The following NUAK1 variants were observed in gnomAD, a reference collection of about 807,000 sequenced individuals.
The protein encoded by NUAK1 is NUAK family kinase 1.
Under a neutral mutation model 56.9 loss-of-function variants are expected in NUAK1, and 26 were observed. The ratio of observed to expected loss-of-function variants is 0.46; its 90% CI spans 0.33 to 0.63. The LOEUF (loss-of-function observed/expected upper bound fraction) is 0.63, where lower values mean the gene tolerates loss of function less well. Ranked by LOEUF, NUAK1 falls within the 30% of genes least tolerant of loss-of-function variation. The probability of loss-of-function intolerance (pLI) is 0.02; values close to 1 mark genes in which losing one functional copy is unlikely to be tolerated. For synonymous variants in NUAK1, 337 were observed against 336.0 expected, an observed-to-expected ratio of 1.00 and a Z score of -0.03; for missense variants, 727 against 876.1, an observed-to-expected ratio of 0.83 and a Z score of 2.15.
At chr12:106,104,567 G>A (rs1021765852) in intron 2 of NUAK1, among the ~76,000 whole-genome samples, 2 of 152,178 alleles carry the variant, frequency 1.3e-5, no homozygotes, top group African/African-American at 4.8e-5. Context: ...AGCAGGTCCT[G>A]GGTGAAGCCT....
Position 106,067,273 on chromosome 12 carries a change from G to C in NUAK1, c.1515C>G (p.Ser505Arg). The change falls in exon 7 of 7, where the codon AGC (serine) becomes AGG (arginine). Residue 505 changes from serine (S) to arginine (R), a missense_variant. Physicochemically the swap from Ser to Arg is moderately radical, Grantham distance 110. Transcript: ENST00000261402. The surrounding 1 kb of genome is among the most constrained non-coding windows in gnomAD (Gnocchi z 6.0). ...DVMGSSIPSPSPPDPARVTSH... is the reference protein window; with the variant it reads ...DVMGSSIPSPRPPDPARVTSH... Reference sequence around the variant, plus strand: ...AGGTTACCCTGGCTGGGTCCGGGGGGCTGGGGGAGGGGATGCTGCTGCCCA... The same window carrying C: ...AGGTTACCCTGGCTGGGTCCGGGGGCCTGGGGGAGGGGATGCTGCTGCCCA... 2 of 1,614,144 alleles carry C rather than the reference G, an allele frequency of 1.2e-6. No homozygotes were observed. Among genetic ancestry groups the C allele is most frequent in the Non-Finnish European group, 1.7e-6 (2 of 1,180,010 alleles).
intron 2 of NUAK1, among the ~76,000 whole-genome samples, chr12:106,105,489 A>G (rs1018255567): frequency 2.6e-5 from 4 of 152,182 alleles, no homozygotes; most frequent in Non-Finnish European, 4.4e-5. Flanking sequence ...AATGCTATAA[A>G]ACCTTTTCAA....
chr12:106,077,491 T>C (rs966496237), intron 4 of NUAK1, among the ~76,000 whole-genome samples: 20 of 152,194 alleles, frequency 1.3e-4, no homozygotes, highest in African/African-American at 2.9e-4. Context: ...CCACTGCCCA[T>C]TAAAGAGCCA....
At chr12:106,087,795 C>T (rs1019954231) in intron 2 of NUAK1, among the ~76,000 whole-genome samples, 1 of 152,214 alleles carries the variant, frequency 6.6e-6, no homozygotes, top group African/African-American at 2.4e-5. Flanking sequence ...TGCAATCAGG[C>T]AGTTTGGCGT....
chr12:106,121,901 A>G (rs2032980250), intron 1 of NUAK1, among the ~76,000 whole-genome samples: 1 of 152,192 alleles, frequency 6.6e-6, no homozygotes, highest in African/African-American at 2.4e-5. Context: ...AAACAGCAAA[A>G]CTATGTAAAA....
rs772696239 is a variant in NUAK1, at chr12:106,114,035, C to T, written c.241-7510G>A. On this transcript the variant is annotated intron_variant, in intron 1 of 6. Transcript: ENST00000261402. ...GCAGCTGTTTATTTTTGGACGTTCA[C>T]GTCTCTGAAGCCAAATGCAACACCA... Among the ~76,000 whole-genome samples, 14 of 152,302 alleles carry T rather than the reference C, an allele frequency of 9.2e-5. No homozygotes were observed. The South Asian group carries it at 1.7e-3, about 18-fold the overall frequency.
rs575718753 is a variant in NUAK1, at chr12:106,074,006, T to C, written c.580-1163A>G. Among the ~76,000 whole-genome samples the C allele has an allele frequency of 1.3e-4, 20 of 152,306 alleles. No individual in the cohort carries two copies. The South Asian group carries it at 3.9e-3, about 30-fold the overall frequency. On this transcript the variant is annotated intron_variant, in intron 4 of 6. Transcript: ENST00000261402. ...CAGCACTTTTACATATATATGTATA[T>C]GTATATGTACACATATGTACAAATA...
At chr12:106,070,355 T>C (rs2032392829) in intron 6 of NUAK1, among the ~76,000 whole-genome samples, 1 of 152,238 alleles carries the variant, frequency 6.6e-6, no homozygotes, top group South Asian at 2.1e-4. Flanking sequence ...CCATGAGCCA[T>C]GCCCCATGCC....
rs576621296 is a variant in NUAK1, at chr12:106,084,474, A to G, written c.514-545T>C. 2.0e-5 allele frequency among the ~76,000 whole-genome samples: 3 copies of G among 152,298 alleles called. No homozygotes were observed. The East Asian group carries it at 5.8e-4, about 29-fold the overall frequency. On this transcript the variant is annotated intron_variant, in intron 3 of 6. Transcript: ENST00000261402. ...ATTTCCTAAGCAACCTGGAGAGAAGACTCAGAAAGTCCCTCTCTGCTCAGC... is the reference window on the plus strand; with the variant it reads ...ATTTCCTAAGCAACCTGGAGAGAAGGCTCAGAAAGTCCCTCTCTGCTCAGC...
intron 1 of NUAK1, among the ~76,000 whole-genome samples, chr12:106,123,989 T>C (rs891643925): frequency 2.0e-5 from 3 of 152,226 alleles, no homozygotes; most frequent in East Asian, 1.9e-4. Flanking sequence ...GAACTCATTG[T>C]GGGGCTGAAT....
chr12:106,067,964 C>A lies in NUAK1; in HGVS notation c.833-9G>T, dbSNP rs2032363095. ...TATGAGTCCTCGAGCATCTAAGGGACAAGGGACAAAAAGAATCGGGCATTA... is the reference window on the plus strand; with the variant it reads ...TATGAGTCCTCGAGCATCTAAGGGAAAAGGGACAAAAAGAATCGGGCATTA... On this transcript the variant is annotated splice_polypyrimidine_tract_variant and intron_variant, in intron 6 of 6. Coordinates refer to ENST00000261402, the MANE Select transcript of NUAK1 (RefSeq NM_014840.3). This position sits in a 1 kb window ranked among gnomAD's most constrained non-coding sequence, Gnocchi z 6.0. 1.9e-6 allele frequency: 3 copies of A among 1,589,342 alleles called. No homozygotes were observed. The South Asian group carries it at 3.4e-5, about 18-fold the overall frequency.
intron 1 of NUAK1, among the ~76,000 whole-genome samples, chr12:106,130,262 G>A (rs571857247): frequency 1.4e-4 from 22 of 152,282 alleles, no homozygotes; most frequent in Admixed American, 2.0e-4. Context: ...GACTGCAGGC[G>A]TGAACCACCG....
intron 3 of NUAK1, among the ~76,000 whole-genome samples, chr12:106,085,114 C>T (rs765215576): frequency 6.6e-6 from 1 of 152,224 alleles, no homozygotes; most frequent in Non-Finnish European, 1.5e-5. Context: ...GACTACAAGA[C>T]ACCTGATTCC....
Position 106,064,358 on chromosome 12 carries a change from A to AGGAAGG in NUAK1, c.*2443_*2444insCCTTCC, listed in dbSNP as rs1565916682. 3 of 152,354 alleles carry AGGAAGG rather than the reference A, an allele frequency of 2.0e-5. No individual in the cohort carries two copies. In the East Asian group the frequency reaches 5.8e-4, roughly 29 times the overall value. 9.4% of individuals were successfully genotyped at this position (152,354 alleles called of 1,614,324 possible). A position where few individuals can be genotyped will look rare whatever the true frequency, so the allele number is the denominator to read the frequency against. On this transcript the variant is annotated 3_prime_UTR_variant, in exon 7 of 7. Coordinates refer to ENST00000261402, the MANE Select transcript of NUAK1 (RefSeq NM_014840.3). ...CAGCTAATTCATCCCTCCAGCCCTC[A>AGGAAGG]CTGGAAGGAAAACTTAACCCCTGCA...
At chr12:106,080,759 G>A (rs1201898926) in intron 4 of NUAK1, among the ~76,000 whole-genome samples, 1 of 152,192 alleles carries the variant, frequency 6.6e-6, no homozygotes, top group Non-Finnish European at 1.5e-5. Flanking sequence ...CTTGAAACGT[G>A]GAAAATGGAT....
chr12:106,125,718 A>C (rs1367182598), intron 1 of NUAK1, among the ~76,000 whole-genome samples: 1 of 151,918 alleles, frequency 6.6e-6, no homozygotes, highest in African/African-American at 2.4e-5. Flanking sequence ...TACCTGCTTC[A>C]CGCCCACACA....
intron 2 of NUAK1, chr12:106,104,098 C>T (rs1210438807): frequency 6.7e-6 from 1 of 148,776 alleles, no homozygotes; most frequent in Non-Finnish European, 1.5e-5. Context: ...CAGGGTCTCA[C>T]TTGGTTGCCC....
chr12:106,121,764 T>TG (rs990314719), intron 1 of NUAK1, among the ~76,000 whole-genome samples: 3 of 145,128 alleles, frequency 2.1e-5, no homozygotes, highest in South Asian at 2.3e-4. Context: ...AAAAAAAAGG[T>TG]GGGGGGGTGT....
chr12:106,120,055 C>G (rs1282945978), intron 1 of NUAK1, among the ~76,000 whole-genome samples: 5 of 152,294 alleles, frequency 3.3e-5, no homozygotes, highest in Admixed American at 3.3e-4. Flanking sequence ...GATTAACCAG[C>G]GTTCTCCATT....
Sources: allele counts gnomAD v4.1 joint callset (sites outside exome capture counted in the v4.1 genomes callset), GRCh38; gene constraint gnomAD v4.1.1; non-coding constraint Gnocchi (gnomAD v3.1); transcripts MANE v1.5; gene names NCBI Gene and HGNC (gene_info 2026-07-23, HGNC 2026-07-21).